The following TNXB variants were observed in gnomAD, a reference collection of about 807,000 sequenced individuals.
TNXB encodes the protein tenascin XB.
Under a neutral mutation model 340.5 loss-of-function variants are expected in TNXB, and 183 were observed. The ratio of observed to expected loss-of-function variants is 0.54; its 90% CI spans 0.48 to 0.61. TNXB has a LOEUF of 0.61. TNXB is among the 20% of genes least tolerant of loss of function. TNXB has a pLI of 0.00. For missense variants in TNXB, 4,613 were observed against 5,446.4 expected, an observed-to-expected ratio of 0.85 and a Z score of 4.82; for synonymous variants, 2,121 against 2,314.5, an observed-to-expected ratio of 0.92 and a Z score of 2.40.
intron 4 of TNXB, among the ~76,000 whole-genome samples, chr6:32,092,683 T>C (rs1780128951): frequency 9.2e-6 from 1 of 108,488 alleles, no homozygotes; most frequent in African/African-American, 3.5e-5. Flanking sequence ...AGAGCAAAAC[T>C]CTGTCTCAAA....
At chr6:32,060,731 C>T (rs962024607) in intron 21 of TNXB, among the ~76,000 whole-genome samples, 4 of 150,450 alleles carry the variant, frequency 2.7e-5, no homozygotes, top group African/African-American at 9.9e-5. Context: ...CTCTGCCTCC[C>T]GGGTTCAAGC....
In TNXB at chr6:32,070,473, T is replaced by G; in HGVS notation, c.4991-59A>C. ...CAAAACGACTCCTTGACTGCCTCCC[T>G]CTGGGGCTGGAAAAACCCAGAACTG... On this transcript the variant is annotated intron_variant, in intron 13 of 43. Transcript: ENST00000644971. The surrounding 1 kb of genome is among the most constrained non-coding windows in gnomAD (Gnocchi z 6.0). 1 of 1,474,358 alleles carries G rather than the reference T, an allele frequency of 6.8e-7. No homozygotes were observed. Among genetic ancestry groups the G allele is most frequent in the Non-Finnish European group, 9.0e-7 (1 of 1,108,428 alleles). 91.3% of individuals were successfully genotyped at this position (1,474,358 alleles called of 1,614,324 possible). A position where few individuals can be genotyped will look rare whatever the true frequency, so the allele number is the denominator to read the frequency against.
rs776597176 is a variant in TNXB at position 32,073,810 on chromosome 6, G to C, written c.4518C>G (p.Val1506=). 1 of 1,612,742 alleles carries C rather than the reference G, an allele frequency of 6.2e-7. No individual in the cohort carries two copies. The highest frequency in any genetic ancestry group is 1.1e-5 in the South Asian group (1 of 90,906). Residue 1506 remains valine (V), a synonymous_variant, in exon 12 of 44, where the codon GTC becomes GTG. Transcript: ENST00000644971. This position sits in a 1 kb window ranked among gnomAD's most constrained non-coding sequence, Gnocchi z 4.6. The part of the protein sequence containing the change: ...VPEGQFDSFI[V]QYKDKDGQPQ... ...GCTGCCCGTCCTTGTCCTTGTACTGGACTATGAAGGAGTCAAACTGGCCCT... is the reference window on the plus strand; with the variant it reads ...GCTGCCCGTCCTTGTCCTTGTACTGCACTATGAAGGAGTCAAACTGGCCCT...
chr6:32,048,076 G>C (rs980215248), intron 29 of TNXB, 64 bp from the exon 30 acceptor site: 2 of 1,542,136 alleles, frequency 1.3e-6, no homozygotes, highest in Non-Finnish European at 1.8e-6. Flanking sequence ...GAGCTTCCTG[G>C]GCTGCTATGG....
intron 24 of TNXB, among the ~76,000 whole-genome samples, chr6:32,054,827 C>T (rs370861143): frequency 8.5e-5 from 13 of 152,234 alleles, no homozygotes; most frequent in Admixed American, 3.9e-4. Context: ...TGCCAGGCCA[C>T]GGCTGCTTGG....
At chr6:32,056,989 T>G in intron 22 of TNXB, 86 bp from the exon 23 acceptor site, 2 of 1,534,614 alleles carry the variant, frequency 1.3e-6, no homozygotes, top group African/African-American at 2.7e-5. Context: ...AAACACAAAG[T>G]GCCCAAGAGC....
Position 32,083,848 on chromosome 6 carries a change from A to G in TNXB, c.3445+565T>C, listed in dbSNP as rs1435258046. 6.6e-6 allele frequency among the ~76,000 whole-genome samples: 1 copy of G among 151,984 alleles called. No homozygotes were observed. The highest frequency in any genetic ancestry group is 2.4e-5 in the African/African-American group (1 of 41,386). ...GCTAATATCTTTTGTTATAGTAGAG[A>G]TGGGGGGTCTCACTATGTTGCCAGG... On this transcript the variant is annotated intron_variant, in intron 8 of 43. Transcript: ENST00000644971. The surrounding 1 kb of genome is among the most constrained non-coding windows in gnomAD (Gnocchi z 4.6).
At chr6:32,063,637 A>G (rs1343255497) in intron 19 of TNXB, among the ~76,000 whole-genome samples, 4 of 152,240 alleles carry the variant, frequency 2.6e-5, no homozygotes, top group Admixed American at 6.5e-5. Flanking sequence ...GAGCACCTCC[A>G]GTGATGCCAG....
rs1330206610 is a variant in TNXB at position 32,097,018 on chromosome 6, T to C, written c.835A>G (p.Ser279Gly). The change falls in exon 3 of 44, where the codon AGC (serine) becomes GGC (glycine). Residue 279 changes from serine to glycine, a missense_variant. Physicochemically the swap from Ser to Gly is moderately conservative, Grantham distance 56 (BLOSUM62 0). Coordinates refer to ENST00000644971, the MANE Select transcript of TNXB (RefSeq NM_001365276.2). The surrounding 1 kb of genome is among the most constrained non-coding windows in gnomAD (Gnocchi z 5.9). ...CTCTGACTGCAACCGCGAGGGCAGC[T>C]CCTCATGCCACAGTCGTCACCAGTG... Reference protein sequence around the residue: ...GYTGDDCGMRSCPRGCSQRGR... With the variant: ...GYTGDDCGMRGCPRGCSQRGR... 2 of 1,608,624 alleles carry C rather than the reference T, an allele frequency of 1.2e-6. No individual in the cohort carries two copies. Among genetic ancestry groups the C allele is most frequent in the East Asian group, 2.2e-5 (1 of 44,606 alleles).
In TNXB at chr6:32,084,554, GC is replaced by G; in HGVS notation, c.3303del (p.Gln1102SerfsTer66). The G allele has an allele frequency of 6.2e-7, 1 of 1,608,890 alleles. No homozygotes were observed. On this transcript the variant is annotated frameshift_variant, in exon 8 of 44. Transcript: ENST00000644971. LOFTEE classifies it high-confidence loss of function. This position sits in a 1 kb window ranked among gnomAD's most constrained non-coding sequence, Gnocchi z 5.5. ...SFVIQYKDRD[G>X]QPQVVPVEGP... ...CCTTCCACGGGCACCACCTGGGGCT[GC>G]CCGTCCCTGTCTTTGTACTGGATCA...
intron 13 of TNXB, 75 bp downstream of exon 13, chr6:32,071,915 G>T: frequency 7.7e-7 from 1 of 1,300,090 alleles, no homozygotes; most frequent in Non-Finnish European, 1.1e-6. Flanking sequence ...ACAAAGGGAA[G>T]ACTCAGCAGA....
In TNXB at chr6:32,085,925, G is replaced by A; in HGVS notation, c.2973C>T (p.Phe991=). The part of the protein sequence containing the change: ...WTAQPDTFAY[F]QLRMRVPEGP... ...CCTCGGGCACCCGCATGCGCAGTTG[G>A]AAGTAGGCAAAGGTGTCAGGCTGGG... The change falls in exon 7 of 44, where the codon TTC becomes TTT. Residue 991 remains phenylalanine, a synonymous_variant. Transcript: ENST00000644971. This position sits in a 1 kb window ranked among gnomAD's most constrained non-coding sequence, Gnocchi z 6.4. 1 of 1,608,666 alleles carries A rather than the reference G, an allele frequency of 6.2e-7. No homozygotes were observed. Among genetic ancestry groups the A allele is most frequent in the Non-Finnish European group, 8.5e-7 (1 of 1,178,830 alleles).
chr6:32,088,905 G>A lies in TNXB; in HGVS notation c.2659C>T (p.Pro887Ser), dbSNP rs760962575. 4 of 1,596,116 alleles carry A rather than the reference G, an allele frequency of 2.5e-6. No homozygotes were observed. The highest frequency in any genetic ancestry group is 3.3e-4 in the Middle Eastern group (2 of 6,044). The change falls in exon 6 of 44, where the codon CCC (proline) becomes TCC (serine). Residue 887 changes from proline to serine, a missense_variant. Transcript: ENST00000644971. ...AGCAGCGTCCCGTCTGCTTCAGGGG[G>A]CACTTCCAGCCTCACCCTCTGGTTG... Reference protein sequence around the residue: ...AGNQRVRLEVPPEADGTLLTD... With the variant: ...AGNQRVRLEVSPEADGTLLTD...
At chr6:32,048,251 A>G (rs913554602) in intron 29 of TNXB, 112 bp downstream of exon 29, 3 of 1,242,232 alleles carry the variant, frequency 2.4e-6, no homozygotes, top group East Asian at 2.5e-5. Flanking sequence ...CCTGGACCCA[A>G]TAAATCAGTG....
Position 32,087,688 on chromosome 6 carries a change from T to C in TNXB, c.2779+1097A>G, listed in dbSNP as rs758689685. On this transcript the variant is annotated intron_variant, in intron 6 of 43. Coordinates refer to ENST00000644971, the MANE Select transcript of TNXB (RefSeq NM_001365276.2). This position sits in a 1 kb window ranked among gnomAD's most constrained non-coding sequence, Gnocchi z 9.0. ...CAACAGACGCCGCTGCAAGTATTCA[T>C]GGATGTGGCGCGCCACCGACGTGTA... The C allele has an allele frequency of 2.2e-6, 1 of 455,044 alleles. No homozygotes were observed. Among genetic ancestry groups the C allele is most frequent in the South Asian group, 1.5e-5 (1 of 64,558 alleles). The allele number at this position is 455,044 out of a possible 1,614,324, so 28.2% of individuals were successfully genotyped here.
Position 32,085,968 on chromosome 6 carries a change from AG to A in TNXB, c.2929del (p.Leu977SerfsTer92). The A allele has an allele frequency of 3.1e-6, 5 of 1,608,118 alleles. No individual in the cohort carries two copies. Among genetic ancestry groups the A allele is most frequent in the Non-Finnish European group, 4.2e-6 (5 of 1,178,782 alleles). ...RVLGRDETGR[L>X]RVVWTAQPDT... is the part of the protein sequence containing the mutation. ...AGGCTGGGCGGTCCAGACCACACGG[AG>A]GCGCCCTGTCTCATCTCTGCCCAGC... is the stretch of plus-strand genomic sequence containing the variant. On this transcript the variant is annotated frameshift_variant, in exon 7 of 44. Coordinates refer to ENST00000644971, the MANE Select transcript of TNXB (RefSeq NM_001365276.2). LOFTEE classifies it high-confidence loss of function. This position sits in a 1 kb window ranked among gnomAD's most constrained non-coding sequence, Gnocchi z 6.4.
At chr6:32,102,933 A>G (rs1780794601) in intron 1 of TNXB, among the ~76,000 whole-genome samples, 1 of 152,140 alleles carries the variant, frequency 6.6e-6, no homozygotes, top group South Asian at 2.1e-4. Context: ...AACAAACAAA[A>G]AAACAAACAA....
chr6:32,061,580 G>A lies in TNXB; in HGVS notation c.7309C>T (p.Arg2437Cys), dbSNP rs766438769. 12 of 1,613,124 alleles carry A rather than the reference G, an allele frequency of 7.4e-6. No individual in the cohort carries two copies. Among genetic ancestry groups the A allele is most frequent in the East Asian group, 6.7e-5 (3 of 44,886 alleles). Residue 2437 changes from arginine to cysteine, a missense_variant, in exon 21 of 44, where the codon CGC becomes TGC. Arg to Cys is a radical substitution (Grantham distance 180, BLOSUM62 -3). This residue lies in a region of TNXB where 4,327 missense variants were observed against 4,859.4 expected (regional missense o/e 0.89). Coordinates refer to ENST00000644971, the MANE Select transcript of TNXB (RefSeq NM_001365276.2). The surrounding 1 kb of genome is among the most constrained non-coding windows in gnomAD (Gnocchi z 4.4). ...TACTGCACGGTGAAGGAGTCGAAGC[G>A]GCCCTGGGGGACGGTCCAGGAGAGG... ...LSLSWTVPQG[R>C]FDSFTVQYKD...
At chr6:32,106,271 A>AG (rs918936043) in intron 1 of TNXB, among the ~76,000 whole-genome samples, 15 of 152,022 alleles carry the variant, frequency 9.9e-5, no homozygotes, top group East Asian at 1.9e-4. Context: ...GAAAGGTGGT[A>AG]GGGGGGTCCC....
Sources: allele counts gnomAD v4.1 joint callset (sites outside exome capture counted in the v4.1 genomes callset), GRCh38; gene constraint gnomAD v4.1.1; regional missense constraint gnomAD v4.1.1; non-coding constraint Gnocchi (gnomAD v3.1); transcripts MANE v1.5; gene names NCBI Gene and HGNC (gene_info 2026-07-23, HGNC 2026-07-21).